WASHC4: variants seen among roughly 807,000 people sequenced by gnomAD.
The protein encoded by WASHC4 is WASH complex subunit 4.
WASHC4 carries 86 observed loss-of-function variants against 166.6 expected under a neutral mutation model. The observed-to-expected ratio is 0.52, with a 90% CI of 0.43 to 0.62. The LOEUF (loss-of-function observed/expected upper bound fraction) is 0.62. WASHC4 is among the 20% of genes least tolerant of loss of function. The pLI is 0.00. For missense variants in WASHC4, 1,262 were observed against 1,382.4 expected (o/e 0.91, Z 1.38); for synonymous variants, 446 against 451.6 (o/e 0.99, Z 0.16).
chr12:105,126,252 G>T lies in WASHC4; in HGVS notation c.928G>T (p.Asp310Tyr). 2.5e-6 allele frequency: 4 copies of T among 1,612,472 alleles called. No homozygotes were observed. In the South Asian group the frequency reaches 4.4e-5, roughly 18 times the overall value. Residue 310 changes from aspartate to tyrosine, a missense_variant, in exon 12 of 33, where the codon GAC (aspartate) becomes TAC (tyrosine). Coordinates refer to ENST00000332180, the MANE Select transcript of WASHC4 (RefSeq NM_015275.3). Reference protein sequence around the residue: ...EAKLGEPSEIDQRDKYVGICG... With the variant: ...EAKLGEPSEIYQRDKYVGICG... ...TTTGTAAGGAGAACCTTCTGAAATTGACCAGAGAGACAAGTATGTTGGAAT... is the reference window on the plus strand; with the variant it reads ...TTTGTAAGGAGAACCTTCTGAAATTTACCAGAGAGACAAGTATGTTGGAAT...
rs1276498739 is a variant in WASHC4, at chr12:105,114,200, TC to T, written c.202-14del. ...TTTCAAATTAAAAGAAATGTTCTTT[TC>T]CTTTGTTTCTGTAGCTTTTGCCTTA... On this transcript the variant is annotated splice_polypyrimidine_tract_variant and intron_variant, in intron 2 of 32. Coordinates refer to ENST00000332180, the MANE Select transcript of WASHC4 (RefSeq NM_015275.3). 1.9e-6 allele frequency: 3 copies of T among 1,604,672 alleles called. No individual in the cohort carries two copies. Among genetic ancestry groups the T allele is most frequent in the Non-Finnish European group, 2.6e-6 (3 of 1,173,870 alleles).
intron 13 of WASHC4, among the ~76,000 whole-genome samples, chr12:105,131,322 A>C (rs1340124183): frequency 6.0e-5 from 9 of 150,822 alleles, no homozygotes; most frequent in Admixed American, 5.9e-4. Context: ...TCCTGACCTC[A>C]TGATCCACCC....
Position 105,107,762 on chromosome 12 carries a change from G to C in WASHC4, c.-39G>C, listed in dbSNP as rs760635232. The C allele has an allele frequency of 7.8e-5, 117 of 1,492,068 alleles. 2 individuals carry two copies. The East Asian group carries it at 2.8e-3, about 36-fold the overall frequency. 92.4% of individuals were successfully genotyped at this position (1,492,068 alleles called of 1,614,324 possible). On this transcript the variant is annotated 5_prime_UTR_variant, in exon 1 of 33. Coordinates refer to ENST00000332180, the MANE Select transcript of WASHC4 (RefSeq NM_015275.3). ...TGGGGTGAGGCCGTCGTCGCCGCAC[G>C]GGCTGGTTGGGGCTGTGTCTGTGGG... is the stretch of plus-strand genomic sequence containing the variant.
intron 4 of WASHC4, among the ~76,000 whole-genome samples, chr12:105,114,976 A>G (rs917049988): frequency 2.0e-5 from 3 of 151,998 alleles, no homozygotes; most frequent in African/African-American, 7.2e-5. Flanking sequence ...AGTAAAGGCT[A>G]AAGGAATCAA....
intron 26 of WASHC4, among the ~76,000 whole-genome samples, chr12:105,152,934 C>CT (rs974119219): frequency 6.6e-6 from 1 of 152,242 alleles, no homozygotes. Flanking sequence ...ATATGTAGTA[C>CT]TTTTATATTT....
rs375882823 is a variant in WASHC4 at position 105,152,439 on chromosome 12, A to C, written c.2746A>C (p.Ile916Leu). Residue 916 changes from isoleucine (I) to leucine (L), a missense_variant, in exon 26 of 33, where the codon ATC becomes CTC. Ile to Leu is a conservative substitution (Grantham distance 5). Transcript: ENST00000332180. ...QSYLDQFRQL[I>L]SQIGNAMGYV... Reference sequence around the variant, plus strand: ...CTACCTTGATCAATTCAGGCAACTCATCAGCCAGATTGGTAAGTTATGATA... The same window carrying C: ...CTACCTTGATCAATTCAGGCAACTCCTCAGCCAGATTGGTAAGTTATGATA... 7.3e-5 allele frequency: 114 copies of C among 1,556,878 alleles called. No homozygotes were observed. Among genetic ancestry groups the C allele is most frequent in the Middle Eastern group, 3.3e-4 (2 of 5,978 alleles).
intron 19 of WASHC4, 108 bp from the exon 20 acceptor site, chr12:105,143,019 T>A: frequency 1.4e-6 from 1 of 730,324 alleles, no homozygotes; most frequent in Non-Finnish European, 2.4e-6. Flanking sequence ...AAAATCATTT[T>A]TCCTTCAGAT....
intron 25 of WASHC4, among the ~76,000 whole-genome samples, chr12:105,151,206 T>A (rs1883746617): frequency 6.6e-6 from 1 of 151,576 alleles, no homozygotes; most frequent in African/African-American, 2.4e-5. Context: ...AGGCTGAGTT[T>A]TCCCATAGTG....
In WASHC4 at chr12:105,119,349, C is replaced by T. The variant is rs117660479; in HGVS notation, c.518+821C>T. ...ACTTAAAATTTTTTTTCCACACTTA[C>T]AATCTAATTAATACATTAACTTTGT... On this transcript the variant is annotated intron_variant, in intron 7 of 32. Transcript: ENST00000332180. 1.1e-4 allele frequency among the ~76,000 whole-genome samples: 16 copies of T among 152,258 alleles called. No individual in the cohort carries two copies. In the South Asian group the frequency reaches 1.4e-3, roughly 14 times the overall value.
In WASHC4 at chr12:105,133,753, A is replaced by G. The variant is rs765436802; in HGVS notation, c.1200-17A>G. 17 of 1,609,526 alleles carry G rather than the reference A, an allele frequency of 1.1e-5. No individual in the cohort carries two copies. In the South Asian group the frequency reaches 1.8e-4, roughly 17 times the overall value. On this transcript the variant is annotated splice_polypyrimidine_tract_variant and intron_variant, in intron 13 of 32. Coordinates refer to ENST00000332180, the MANE Select transcript of WASHC4 (RefSeq NM_015275.3). The stretch of plus-strand genomic sequence containing the variant: ...AAATTTTCTTTGCTGAGTAACCCCA[A>G]TATTTTCCTTTGTTAGAGATGTACA...
intron 26 of WASHC4, among the ~76,000 whole-genome samples, chr12:105,155,670 A>G (rs1056133327): frequency 6.6e-6 from 1 of 150,402 alleles, no homozygotes; most frequent in African/African-American, 2.5e-5. Flanking sequence ...GTGAAACCCC[A>G]TCTCTACTAA....
Position 105,139,415 on chromosome 12 carries a change from A to ATGTGTGTGTGTGTGTGTGTGTG in WASHC4, c.1453-868_1453-867insGTGTGTGTGTGTGTGTGTGTGT, listed in dbSNP as rs144001458. Among the ~76,000 whole-genome samples, 198 of 94,332 alleles carry ATGTGTGTGTGTGTGTGTGTGTG rather than the reference A, an allele frequency of 2.1e-3. 4 individuals are homozygous for ATGTGTGTGTGTGTGTGTGTGTG. Among genetic ancestry groups the ATGTGTGTGTGTGTGTGTGTGTG allele is most frequent in the African/African-American group, 5.9e-3 (135 of 22,822 alleles). 61.9% of individuals were successfully genotyped at this position (94,332 alleles called of 152,430 possible). A position where few individuals can be genotyped will look rare whatever the true frequency, so the allele number is the denominator to read the frequency against. The stretch of plus-strand genomic sequence containing the variant: ...TTGTCTCTATAGACAGACTATATAT[A>ATGTGTGTGTGTGTGTGTGTGTG]TGTGTGTGTGTATATATATATATAT... On this transcript the variant is annotated intron_variant, in intron 15 of 32. Coordinates refer to ENST00000332180, the MANE Select transcript of WASHC4 (RefSeq NM_015275.3).
chr12:105,147,215 A>G (rs866667182), intron 24 of WASHC4, 69 bp downstream of exon 24: 5 of 908,950 alleles, frequency 5.5e-6, no homozygotes, highest in East Asian at 2.4e-5. Context: ...TGGTTTTCTC[A>G]TAGAATATTG....
intron 2 of WASHC4, among the ~76,000 whole-genome samples, chr12:105,111,811 TA>T (rs1376794368): frequency 6.6e-6 from 1 of 152,206 alleles, no homozygotes; most frequent in Non-Finnish European, 1.5e-5. Context: ...ACTTGAAAAA[TA>T]ATTTACATTT....
In WASHC4 at chr12:105,160,103, A is replaced by G; in HGVS notation, c.3015A>G (p.Pro1005=). The G allele has an allele frequency of 6.2e-7, 1 of 1,613,902 alleles. No individual in the cohort carries two copies. The highest frequency in any genetic ancestry group is 8.5e-7 in the Non-Finnish European group (1 of 1,179,768). Residue 1005 remains proline (P), a synonymous_variant, in exon 29 of 33, where the codon CCA becomes CCG. Transcript: ENST00000332180. ...VDVFAPEFRR[P]KNIHLRNFYI... ...TTTTTGCTCCAGAATTTCGAAGGCC[A>G]AAGAATATACATCTCCGAAATTTCT...
At chr12:105,119,194 G>C (rs1053738061) in intron 7 of WASHC4, among the ~76,000 whole-genome samples, 1 of 152,126 alleles carries the variant, frequency 6.6e-6, no homozygotes. Flanking sequence ...ATTGGTGCTC[G>C]TGCCACTGAG....
In WASHC4 at chr12:105,114,391, T is replaced by C. The variant is rs1879975506; in HGVS notation, c.285T>C (p.Ala95=). 1.3e-6 allele frequency: 2 copies of C among 1,597,764 alleles called. No individual in the cohort carries two copies. The highest frequency in any genetic ancestry group is 1.7e-6 in the Non-Finnish European group (2 of 1,170,136). The change falls in exon 4 of 33, where the codon GCT becomes GCC. Residue 95 remains alanine, a synonymous_variant. Coordinates refer to ENST00000332180, the MANE Select transcript of WASHC4 (RefSeq NM_015275.3). Reference sequence around the variant, plus strand: ...TAAACAAAGTCATCACTGTTTATGCTGCACTTTGTTGTGAAATCAAGAAAT... The same window carrying C: ...TAAACAAAGTCATCACTGTTTATGCCGCACTTTGTTGTGAAATCAAGAAAT... ...KVLNKVITVY[A]ALCCEIKKLK...
At chr12:105,122,446 G>T (rs1187445319) in intron 10 of WASHC4, among the ~76,000 whole-genome samples, 1 of 151,164 alleles carries the variant, frequency 6.6e-6, no homozygotes, top group Non-Finnish European at 1.5e-5. Context: ...TGGAGCAAGA[G>T]TTTTAGAAAA....
At chr12:105,139,425 G>GTGTGTGTGTGTGTGTGTA in intron 15 of WASHC4, among the ~76,000 whole-genome samples, 62 of 103,216 alleles carry the variant, frequency 6.0e-4, no homozygotes, top group East Asian at 5.6e-3. Context: ...ATGTGTGTGT[G>GTGTGTGTGTGTGTGTGTA]TATATATATA....
Sources: allele counts gnomAD v4.1 joint callset (sites outside exome capture counted in the v4.1 genomes callset), GRCh38; gene constraint gnomAD v4.1.1; transcripts MANE v1.5; gene names NCBI Gene and HGNC (gene_info 2026-07-23, HGNC 2026-07-21).